UBE4B: variants seen among roughly 807,000 people sequenced by gnomAD.
UBE4B encodes the protein ubiquitin conjugation factor E4 B.
In UBE4B, 27 loss-of-function variants were observed where a neutral mutation model predicts 148.1. The observed-to-expected ratio is 0.18, with a 90% CI of 0.13 to 0.25. UBE4B has a LOEUF of 0.25. Ranked by LOEUF, UBE4B falls within the 10% of genes least tolerant of loss-of-function variation. The pLI, the probability that UBE4B is intolerant of heterozygous loss-of-function variation, is 1.00. For synonymous variants in UBE4B, 596 were observed against 619.3 expected (o/e 0.96, Z 0.56); for missense variants, 1,170 against 1,662.4 (o/e 0.70, Z 5.15).
At position 10,168,630 on chromosome 1, in the gene UBE4B, C is replaced by G. The variant is rs958490065; in HGVS notation, c.3333+360C>G. On this transcript the variant is annotated intron_variant, in intron 24 of 27. Coordinates refer to ENST00000343090, the MANE Select transcript of UBE4B (RefSeq NM_001105562.3). This position sits in a 1 kb window ranked among gnomAD's most constrained non-coding sequence, Gnocchi z 4.9. ...ATAAGGTGCCGGGTGCGGTGGCTCA[C>G]GCCTGTAATCCCAGCACTTTGGGAG... Among the ~76,000 whole-genome samples, 1 of 152,132 alleles carries G rather than the reference C, an allele frequency of 6.6e-6. No individual in the cohort carries two copies. Among genetic ancestry groups the G allele is most frequent in the Admixed American group, 6.5e-5 (1 of 15,270 alleles).
chr1:10,095,430 G>C, intron 2 of UBE4B, 31 bp from the exon 3 acceptor site: 1 of 1,611,152 alleles, frequency 6.2e-7, no homozygotes, highest in Non-Finnish European at 8.5e-7. Context: ...ATTTCACATG[G>C]GGCTTCATCC....
At chr1:10,071,948 G>A (rs1317952051) in intron 1 of UBE4B, 80 bp from the exon 2 acceptor site, 2 of 1,422,096 alleles carry the variant, frequency 1.4e-6, no homozygotes, top group Non-Finnish European at 1.9e-6. Flanking sequence ...CTCTGGTTTG[G>A]TTATGAATAA....
chr1:10,171,391 G>C, intron 25 of UBE4B, 62 bp downstream of exon 25: 1 of 1,570,286 alleles, frequency 6.4e-7, no homozygotes, highest in Non-Finnish European at 8.7e-7. Context: ...AATAACCACA[G>C]TGGCCAGGGA....
In UBE4B at chr1:10,033,043, G is replaced by A. The variant is rs1289376545; in HGVS notation, c.-628G>A. On this transcript the variant is annotated 5_prime_UTR_variant, in exon 1 of 28. Coordinates refer to ENST00000343090, the MANE Select transcript of UBE4B (RefSeq NM_001105562.3). ...AAGAGTAGGGGTGGAGGGGTAGGAG[G>A]ATTTACTCTTCCAGCGAGAGCTACG... 2 of 152,242 alleles carry A rather than the reference G, an allele frequency of 1.3e-5. No individual in the cohort carries two copies. Among genetic ancestry groups the A allele is most frequent in the African/African-American group, 2.4e-5 (1 of 41,432 alleles). The allele number at this position is 152,242 out of a possible 1,614,324, so 9.4% of individuals were successfully genotyped here.
Position 10,041,752 on chromosome 1 carries a change from A to G in UBE4B, c.24+8058A>G, listed in dbSNP as rs147374876. ...TCGCTGTGTCCCCATGCTGGAGTGC[A>G]GTGGCACGATCTCTGCTCACTGCAA... On this transcript the variant is annotated intron_variant, in intron 1 of 27. Coordinates refer to ENST00000343090, the MANE Select transcript of UBE4B (RefSeq NM_001105562.3). Among the ~76,000 whole-genome samples the G allele has an allele frequency of 2.7e-3, 414 of 152,174 alleles. 3 individuals carry two copies. The highest frequency in any genetic ancestry group is 4.9e-3 in the Non-Finnish European group (330 of 68,004).
At chr1:10,046,683 CTG>C (rs1643918801) in intron 1 of UBE4B, among the ~76,000 whole-genome samples, 1 of 152,126 alleles carries the variant, frequency 6.6e-6, no homozygotes, top group African/African-American at 2.4e-5. Flanking sequence ...GAGAGTTTTT[CTG>C]TGTTTCTTTT....
intron 1 of UBE4B, among the ~76,000 whole-genome samples, chr1:10,040,919 C>G (rs188990604): frequency 6.6e-6 from 1 of 152,190 alleles, no homozygotes; most frequent in Non-Finnish European, 1.5e-5. Flanking sequence ...CGCACCCAGC[C>G]TAACATCCCC....
chr1:10,063,610 A>G (rs1377377677), intron 1 of UBE4B, among the ~76,000 whole-genome samples: 1 of 152,040 alleles, frequency 6.6e-6, no homozygotes, highest in Non-Finnish European at 1.5e-5. Context: ...ATTTGTTTTA[A>G]AAGGTACATC....
At chr1:10,097,200 G>A (rs1000679149) in intron 3 of UBE4B, among the ~76,000 whole-genome samples, 43 of 151,862 alleles carry the variant, frequency 2.8e-4, no homozygotes, top group African/African-American at 9.7e-4. Context: ...TACCCAGAAC[G>A]TACCACAAAG....
intron 16 of UBE4B, among the ~76,000 whole-genome samples, chr1:10,136,135 A>G (rs1448775675): frequency 6.6e-6 from 1 of 152,190 alleles, no homozygotes; most frequent in Non-Finnish European, 1.5e-5. Context: ...ATTGTGTTGA[A>G]AAATGGAGAT....
intron 23 of UBE4B, among the ~76,000 whole-genome samples, chr1:10,165,623 A>C (rs993941995): frequency 6.6e-6 from 1 of 150,588 alleles, no homozygotes; most frequent in Admixed American, 6.6e-5. Flanking sequence ...TTCTCCACTC[A>C]CTCTACCCCA....
rs373520300 is a variant in UBE4B at position 10,119,630 on chromosome 1, C to T, written c.1439+17C>T. The T allele has an allele frequency of 1.1e-5, 17 of 1,607,406 alleles. No individual in the cohort carries two copies. The highest frequency in any genetic ancestry group is 4.4e-5 in the South Asian group (4 of 90,890). The stretch of plus-strand genomic sequence containing the variant: ...ACAGCCCAGGTATGAAGACCCGTGA[C>T]GTGCTTGACATTAGCAGGCAGAGAG... On this transcript the variant is annotated intron_variant, in intron 9 of 27. Transcript: ENST00000343090.
intron 25 of UBE4B, among the ~76,000 whole-genome samples, chr1:10,174,978 C>T (rs1370149130): frequency 6.6e-6 from 1 of 152,074 alleles, no homozygotes; most frequent in Non-Finnish European, 1.5e-5. Flanking sequence ...TTTGGTATGT[C>T]TTGTTTTCCG....
intron 1 of UBE4B, among the ~76,000 whole-genome samples, chr1:10,034,183 TACAG>T (rs1462695187): frequency 1.3e-5 from 2 of 152,220 alleles, no homozygotes; most frequent in African/African-American, 4.8e-5. Flanking sequence ...AGGGGTGGTT[TACAG>T]ACAGATTCTT....
At chr1:10,090,459 C>T (rs1350653426) in intron 2 of UBE4B, among the ~76,000 whole-genome samples, 2 of 152,048 alleles carry the variant, frequency 1.3e-5, no homozygotes, top group Non-Finnish European at 2.9e-5. Flanking sequence ...TTCTAACAGG[C>T]GAGGAGGTCC....
chr1:10,040,700 C>T (rs1047170403), intron 1 of UBE4B, among the ~76,000 whole-genome samples: 35 of 151,986 alleles, frequency 2.3e-4, no homozygotes, highest in Non-Finnish European at 4.0e-4. Context: ...TCGCTGCAAC[C>T]TCTGCCTCCC....
intron 23 of UBE4B, among the ~76,000 whole-genome samples, chr1:10,167,589 CTTTTTT>C (rs1166780306): frequency 8.3e-6 from 1 of 120,054 alleles, no homozygotes; most frequent in Non-Finnish European, 1.7e-5. Flanking sequence ...TTGATGGTGA[CTTTTTT>C]TTTTTTTTTT....
At chr1:10,037,176 C>T (rs142747109) in intron 1 of UBE4B, among the ~76,000 whole-genome samples, 116 of 152,160 alleles carry the variant, frequency 7.6e-4, no homozygotes, top group African/African-American at 2.3e-3. Context: ...TACAGGCATG[C>T]GCCACCATAC....
chr1:10,081,538 C>T (rs554272982), intron 2 of UBE4B, among the ~76,000 whole-genome samples: 1 of 151,932 alleles, frequency 6.6e-6, no homozygotes, highest in Non-Finnish European at 1.5e-5. Flanking sequence ...GATCCTTTTA[C>T]CTCAGCCTCC....
Sources: gnomAD v4.1 joint callset for allele counts (sites outside exome capture counted in the v4.1 genomes callset) on GRCh38, gnomAD v4.1.1 for gene constraint, Gnocchi (gnomAD v3.1) non-coding constraint, MANE v1.5 for transcripts, NCBI Gene and HGNC (gene_info 2026-07-23, HGNC 2026-07-21) for gene names.